The following PCDHB11 variants were observed in gnomAD, a reference collection of about 807,000 sequenced individuals.
PCDHB11 encodes the protein protocadherin beta 11.
For missense variants in PCDHB11, 1,151 were observed against 1,003.4 expected (o/e 1.15, Z -1.99); for synonymous variants, 522 against 442.0 (o/e 1.18, Z -2.27).
Position 141,203,489 on chromosome 5 carries a change from A to G in PCDHB11, c.*1321A>G, listed in dbSNP as rs1392841282. The G allele has an allele frequency of 6.6e-6, 1 of 152,170 alleles. No individual in the cohort carries two copies. Among genetic ancestry groups the G allele is most frequent in the African/African-American group, 2.4e-5 (1 of 41,436 alleles). 9.4% of individuals were successfully genotyped at this position (152,170 alleles called of 1,614,324 possible). On this transcript the variant is annotated 3_prime_UTR_variant, in exon 1 of 1. Coordinates refer to ENST00000354757, the MANE Select transcript of PCDHB11 (RefSeq NM_018931.3). The stretch of plus-strand genomic sequence containing the variant: ...CCTTCCAACCTTATTCTAACATTCT[A>G]TTTATTCATTTAAAAAGCCACATCA...
At position 141,202,014 on chromosome 5, in the gene PCDHB11, A is replaced by C; in HGVS notation, c.2240A>C (p.Gln747Pro). 6.2e-7 allele frequency: 1 copy of C among 1,614,206 alleles called. No homozygotes were observed. Among genetic ancestry groups the C allele is most frequent in the African/African-American group, 1.3e-5 (1 of 75,054 alleles). ...GTGAGCGGCACCGGGACCCTTTCCC[A>C]GAGCTACCAGTACGAGGTGTGTCTG... ...VDVSGTGTLSQSYQYEVCLTG... is the reference protein window; with the variant it reads ...VDVSGTGTLSPSYQYEVCLTG... The change falls in exon 1 of 1, where the codon CAG (glutamine) becomes CCG (proline). Residue 747 changes from glutamine (Q) to proline (P), a missense_variant. Coordinates refer to ENST00000354757, the MANE Select transcript of PCDHB11 (RefSeq NM_018931.3).
In PCDHB11 at chr5:141,200,963, G is replaced by A. The variant is rs1554285441; in HGVS notation, c.1189G>A (p.Val397Ile). 6.2e-7 allele frequency: 1 copy of A among 1,614,192 alleles called. No individual in the cohort carries two copies. The highest frequency in any genetic ancestry group is 2.2e-5 in the East Asian group (1 of 44,882). The part of the protein sequence containing the change: ...EDLPFVLKSS[V>I]ENYYTLETER... ...CCTCCCATTCGTGCTAAAATCTTCAGTTGAGAATTACTACACGTTGGAAAC... is the reference window on the plus strand; with the variant it reads ...CCTCCCATTCGTGCTAAAATCTTCAATTGAGAATTACTACACGTTGGAAAC... Residue 397 changes from valine to isoleucine, a missense_variant, in exon 1 of 1, where the codon GTT (valine) becomes ATT (isoleucine). Val to Ile is a conservative substitution (Grantham distance 29). Transcript: ENST00000354757.
At position 141,201,653 on chromosome 5, in the gene PCDHB11, G is replaced by T. The variant is rs1554285666; in HGVS notation, c.1879G>T (p.Ala627Ser). Reference protein sequence around the residue: ...VWAHNGEVRTARLLSERDAAK... With the variant: ...VWAHNGEVRTSRLLSERDAAK... ...GGCGCACAATGGCGAGGTGCGCACC[G>T]CCAGGCTGCTGAGCGAGCGCGACGC... is the stretch of plus-strand genomic sequence containing the variant. The change falls in exon 1 of 1, where the codon GCC becomes TCC. Residue 627 changes from alanine to serine, a missense_variant. Transcript: ENST00000354757. 1 of 1,605,808 alleles carries T rather than the reference G, an allele frequency of 6.2e-7. No individual in the cohort carries two copies. Among genetic ancestry groups the T allele is most frequent in the Admixed American group, 1.7e-5 (1 of 59,944 alleles).
In PCDHB11 at chr5:141,200,626, C is replaced by T. The variant is rs1754152347; in HGVS notation, c.852C>T (p.Ala284=). Residue 284 remains alanine (A), a synonymous_variant, in exon 1 of 1, where the codon GCC becomes GCT. Transcript: ENST00000354757. The part of the protein sequence containing the change: ...NGEICYTFSH[A]SEDIRKTFEI... ...AAATATGCTATACCTTTTCCCATGC[C>T]TCAGAAGATATTCGCAAGACATTTG... The T allele has an allele frequency of 6.2e-7, 1 of 1,614,188 alleles. No homozygotes were observed. Among genetic ancestry groups the T allele is most frequent in the Non-Finnish European group, 8.5e-7 (1 of 1,180,046 alleles).
In PCDHB11 at chr5:141,200,210, A is replaced by G; in HGVS notation, c.436A>G (p.Ser146Gly). 1.9e-6 allele frequency: 3 copies of G among 1,614,216 alleles called. No individual in the cohort carries two copies. The highest frequency in any genetic ancestry group is 2.2e-5 in the South Asian group (2 of 91,084). The change falls in exon 1 of 1, where the codon AGT becomes GGT. Residue 146 changes from serine to glycine, a missense_variant. Physicochemically the swap from Ser to Gly is moderately conservative, Grantham distance 56. Coordinates refer to ENST00000354757, the MANE Select transcript of PCDHB11 (RefSeq NM_018931.3). ...AATGCTCCTAGAAATCCCAGAGAAC[A>G]GTCCCGTTGGTGCTGTGTTCTTACT... ...KQMLLEIPEN[S>G]PVGAVFLLES...
At position 141,201,936 on chromosome 5, in the gene PCDHB11, C is replaced by G. The variant is rs782373600; in HGVS notation, c.2162C>G (p.Ser721Trp). The G allele has an allele frequency of 9.9e-6, 16 of 1,613,878 alleles. No individual in the cohort carries two copies. Among genetic ancestry groups the G allele is most frequent in the African/African-American group, 2.7e-5 (2 of 74,912 alleles). ...CTGTGCAGGAGGAGCAGGGCGGCCTCGGTGGGAAGCTGCTCGGTGCCTAAG... is the reference window on the plus strand; with the variant it reads ...CTGTGCAGGAGGAGCAGGGCGGCCTGGGTGGGAAGCTGCTCGGTGCCTAAG... ...VRLCRRSRAA[S>W]VGSCSVPKGP... The change falls in exon 1 of 1, where the codon TCG (serine) becomes TGG (tryptophan). Residue 721 changes from serine (S) to tryptophan (W), a missense_variant. Transcript: ENST00000354757.
At position 141,199,837 on chromosome 5, in the gene PCDHB11, C is replaced by G. The variant is rs202129282; in HGVS notation, c.63C>G (p.Leu21=). 52 of 1,614,032 alleles carry G rather than the reference C, an allele frequency of 3.2e-5. No homozygotes were observed. The highest frequency in any genetic ancestry group is 4.2e-5 in the Non-Finnish European group (50 of 1,180,028). ...AAGTCCTGCTTCTCTTTGTTTTGCT[C>G]GGAATGTCTCAGGCGGGCTCTGAAA... The part of the protein sequence containing the change: ...IRQVLLLFVL[L]GMSQAGSETW... The change falls in exon 1 of 1, where the codon CTC becomes CTG. Residue 21 remains leucine (L), a synonymous_variant. Transcript: ENST00000354757.
At position 141,202,294 on chromosome 5, in the gene PCDHB11, T is replaced by G; in HGVS notation, c.*126T>G. ...ATTGTATTTTTAATTTTTTCTTTTC[T>G]CCCCCAATTTTTTTTTTTTTTTTGA... On this transcript the variant is annotated 3_prime_UTR_variant, in exon 1 of 1. Transcript: ENST00000354757. 15 of 922,142 alleles carry G rather than the reference T, an allele frequency of 1.6e-5. No individual in the cohort carries two copies. The highest frequency in any genetic ancestry group is 2.1e-5 in the Non-Finnish European group (14 of 652,122). 57.1% of individuals were successfully genotyped at this position (922,142 alleles called of 1,614,324 possible).
At position 141,200,746 on chromosome 5, in the gene PCDHB11, G is replaced by C. The variant is rs370999149; in HGVS notation, c.972G>C (p.Gly324=). Residue 324 remains glycine, a synonymous_variant, in exon 1 of 1, where the codon GGG becomes GGC. Transcript: ENST00000354757. The stretch of plus-strand genomic sequence containing the variant: ...CAATAATCATTCAAGCCACAGATGG[G>C]GGAGGACTTTTTGGAAAATCTACAG... The part of the protein sequence containing the change: ...SYSIIIQATD[G]GGLFGKSTVI... The C allele has an allele frequency of 6.2e-7, 1 of 1,614,160 alleles. No homozygotes were observed.
In PCDHB11 at chr5:141,199,727, T is replaced by C. The variant is rs1554285115; in HGVS notation, c.-48T>C. 5 of 1,542,046 alleles carry C rather than the reference T, an allele frequency of 3.2e-6. No homozygotes were observed. The highest frequency in any genetic ancestry group is 1.4e-5 in the African/African-American group (1 of 72,586). On this transcript the variant is annotated 5_prime_UTR_variant, in exon 1 of 1. Transcript: ENST00000354757. ...ATTTGGTGGACAAGTCAGAGACGCG[T>C]TCCGCAGAGCTGAAGCCTTTCTTCA...
At position 141,199,743 on chromosome 5, in the gene PCDHB11, C is replaced by G. The variant is rs367816864; in HGVS notation, c.-32C>G. ...AGAGACGCGTTCCGCAGAGCTGAAG[C>G]CTTTCTTCAAGAAGCCTACAAGAAA... is the stretch of plus-strand genomic sequence containing the variant. On this transcript the variant is annotated 5_prime_UTR_variant, in exon 1 of 1. Coordinates refer to ENST00000354757, the MANE Select transcript of PCDHB11 (RefSeq NM_018931.3). The G allele has an allele frequency of 3.1e-4, 488 of 1,588,026 alleles. 1 individual carries two copies. Among genetic ancestry groups the G allele is most frequent in the Non-Finnish European group, 4.0e-4 (466 of 1,162,046 alleles).
In PCDHB11 at chr5:141,201,980, C is replaced by A. The variant is rs1588380364; in HGVS notation, c.2206C>A (p.Leu736Met). 1.9e-6 allele frequency: 3 copies of A among 1,614,150 alleles called. No individual in the cohort carries two copies. The highest frequency in any genetic ancestry group is 1.3e-5 in the African/African-American group (1 of 75,042). The part of the protein sequence containing the change: ...SVPKGPFPGH[L>M]VDVSGTGTLS... ...GCCTAAGGGCCCCTTTCCAGGGCAT[C>A]TGGTGGACGTGAGCGGCACCGGGAC... The change falls in exon 1 of 1, where the codon CTG becomes ATG. Residue 736 changes from leucine (L) to methionine (M), a missense_variant. Leu to Met is a conservative substitution (Grantham distance 15). Coordinates refer to ENST00000354757, the MANE Select transcript of PCDHB11 (RefSeq NM_018931.3).
In PCDHB11 at chr5:141,202,031, G is replaced by A. The variant is rs1413202104; in HGVS notation, c.2257G>A (p.Val753Met). 2 of 1,614,210 alleles carry A rather than the reference G, an allele frequency of 1.2e-6. No individual in the cohort carries two copies. The highest frequency in any genetic ancestry group is 1.7e-6 in the Non-Finnish European group (2 of 1,180,042). The change falls in exon 1 of 1, where the codon GTG becomes ATG. Residue 753 changes from valine to methionine, a missense_variant. Physicochemically the swap from Val to Met is conservative, Grantham distance 21. Transcript: ENST00000354757. ...CCTTTCCCAGAGCTACCAGTACGAG[G>A]TGTGTCTGACGGGAGGTTCCGAGAC... ...GTLSQSYQYEVCLTGGSETNE... is the reference protein window; with the variant it reads ...GTLSQSYQYEMCLTGGSETNE...
At position 141,200,775 on chromosome 5, in the gene PCDHB11, T is replaced by C. The variant is rs781851996; in HGVS notation, c.1001T>C (p.Ile334Thr). 4 of 1,614,218 alleles carry C rather than the reference T, an allele frequency of 2.5e-6. No individual in the cohort carries two copies. Among genetic ancestry groups the C allele is most frequent in the Non-Finnish European group, 3.4e-6 (4 of 1,180,050 alleles). ...GGACTTTTTGGAAAATCTACAGTCA[T>C]AATTCACGTGATAGATGTAAATGAC... ...GGGLFGKSTV[I>T]IHVIDVNDNA... Residue 334 changes from isoleucine (I) to threonine (T), a missense_variant, in exon 1 of 1, where the codon ATA becomes ACA. Physicochemically the swap from Ile to Thr is moderately conservative, Grantham distance 89. Transcript: ENST00000354757.
chr5:141,200,115 C>T lies in PCDHB11; in HGVS notation c.341C>T (p.Thr114Met), dbSNP rs374860182. ...LHLQVLMQNP[T>M]QFLQIELQVR... ...TTGCAGGTGTTAATGCAAAACCCCA[C>T]GCAGTTTTTACAAATTGAGCTTCAG... The change falls in exon 1 of 1, where the codon ACG becomes ATG. Residue 114 changes from threonine to methionine, a missense_variant. Transcript: ENST00000354757. The T allele has an allele frequency of 3.1e-6, 5 of 1,614,006 alleles. No individual in the cohort carries two copies. The highest frequency in any genetic ancestry group is 3.3e-5 in the Admixed American group (2 of 59,984).
At position 141,201,767 on chromosome 5, in the gene PCDHB11, G is replaced by C. The variant is rs1463667183; in HGVS notation, c.1993G>C (p.Gly665Arg). The change falls in exon 1 of 1, where the codon GGC becomes CGC. Residue 665 changes from glycine (G) to arginine (R), a missense_variant. By Grantham distance (125) the Gly-to-Arg change is moderately radical (BLOSUM62 -2). Coordinates refer to ENST00000354757, the MANE Select transcript of PCDHB11 (RefSeq NM_018931.3). ...CACGCTGCAAGTGCTCCTGGTGGAC[G>C]GCTTCTCCCAGCCCTACCTGCCGCT... The part of the protein sequence containing the change: ...TATLQVLLVD[G>R]FSQPYLPLPE... 1.2e-5 allele frequency: 19 copies of C among 1,609,298 alleles called. No homozygotes were observed. The Admixed American group carries it at 2.7e-4, about 23-fold the overall frequency.
At position 141,201,214 on chromosome 5, in the gene PCDHB11, A is replaced by C. The variant is rs536639009; in HGVS notation, c.1440A>C (p.Ser480=). The part of the protein sequence containing the change: ...IGSVSATDRD[S]GTNAQVNYSL... ...GTGTCAGCGCTACAGACAGAGACTC[A>C]GGCACCAACGCCCAGGTCAACTACT... is the stretch of plus-strand genomic sequence containing the variant. Residue 480 remains serine (S), a synonymous_variant, in exon 1 of 1, where the codon TCA becomes TCC. Coordinates refer to ENST00000354757, the MANE Select transcript of PCDHB11 (RefSeq NM_018931.3). The C allele has an allele frequency of 1.2e-6, 2 of 1,613,084 alleles. No individual in the cohort carries two copies. Among genetic ancestry groups the C allele is most frequent in the East Asian group, 2.2e-5 (1 of 44,890 alleles).
In PCDHB11 at chr5:141,201,020, G is replaced by T. The variant is rs1563965697; in HGVS notation, c.1246G>T (p.Glu416Ter). The T allele has an allele frequency of 6.2e-7, 1 of 1,614,072 alleles. No homozygotes were observed. The highest frequency in any genetic ancestry group is 8.5e-7 in the Non-Finnish European group (1 of 1,180,052). ...ACCACTGGACAGAGAGAGCACAGCC[G>T]AGTACAATATCACCATCACCGTCAC... ...ERPLDRESTAEYNITITVTDL... is the reference protein window; with the variant it reads ...ERPLDRESTA Residue 416 changes from glutamate (E) to a stop codon, truncating the protein, a stop_gained, in exon 1 of 1, where the codon GAG becomes TAG. Transcript: ENST00000354757. LOFTEE classifies it low-confidence loss of function (END_TRUNC).
chr5:141,200,613 C>A lies in PCDHB11; in HGVS notation c.839C>A (p.Thr280Asn). Reference sequence around the variant, plus strand: ...GGAACAAATGGTGAAATATGCTATACCTTTTCCCATGCCTCAGAAGATATT... The same window carrying A: ...GGAACAAATGGTGAAATATGCTATAACTTTTCCCATGCCTCAGAAGATATT... ...DSGTNGEICY[T>N]FSHASEDIRK... is the part of the protein sequence containing the mutation. Residue 280 changes from threonine (T) to asparagine (N), a missense_variant, in exon 1 of 1, where the codon ACC becomes AAC. Coordinates refer to ENST00000354757, the MANE Select transcript of PCDHB11 (RefSeq NM_018931.3). The A allele has an allele frequency of 1.2e-6, 2 of 1,614,188 alleles. No individual in the cohort carries two copies. Among genetic ancestry groups the A allele is most frequent in the Non-Finnish European group, 1.7e-6 (2 of 1,180,036 alleles).
Sources: gnomAD v4.1 joint callset for allele counts on GRCh38, gnomAD v4.1.1 for gene constraint, MANE v1.5 for transcripts, NCBI Gene and HGNC (gene_info 2026-07-23, HGNC 2026-07-21) for gene names.